Variants in ARB2A observed in about 807,000 individuals in gnomAD.
The protein encoded by ARB2A is cotranscriptional regulator ARB2A.
the ARB2A span, among the ~76,000 whole-genome samples, chr5:93,878,771 T>C: frequency 4.6e-4 from 70 of 152,214 alleles, 1 homozygote; most frequent in African/African-American, 1.6e-3. Context: ...GTATCATACA[T>C]TTACTACACA....
the ARB2A span, chr5:93,805,345 C>A: frequency 1.0e-6 from 1 of 985,136 alleles, no homozygotes; most frequent in Non-Finnish European, 1.2e-6. Context: ...TTTCACTGAA[C>A]AAGTTTTTAC....
At chr5:93,975,021 C>A in the ARB2A span, among the ~76,000 whole-genome samples, 1 of 151,908 alleles carries the variant, frequency 6.6e-6, no homozygotes, top group African/African-American at 2.4e-5. Context: ...ATCAAGAAAA[C>A]AGAAAAATCT....
At chr5:93,923,824 A>G in the ARB2A span, among the ~76,000 whole-genome samples, 5 of 152,152 alleles carry the variant, frequency 3.3e-5, no homozygotes, top group African/African-American at 1.2e-4. Flanking sequence ...CAAACATACC[A>G]AAGAAAGAAT....
the ARB2A span, among the ~76,000 whole-genome samples, chr5:93,743,928 G>T: frequency 6.6e-6 from 1 of 152,046 alleles, no homozygotes; most frequent in African/African-American, 2.4e-5. Context: ...GGCCTCCCAA[G>T]GTGTTGGGAT....
At chr5:93,694,088 A>G in the ARB2A span, among the ~76,000 whole-genome samples, 5 of 152,220 alleles carry the variant, frequency 3.3e-5, no homozygotes, top group Non-Finnish European at 7.3e-5. Context: ...TACGATACTG[A>G]ATGTGCAAAA....
the ARB2A span, among the ~76,000 whole-genome samples, chr5:94,088,622 T>C: frequency 1.3e-5 from 2 of 152,088 alleles, no homozygotes; most frequent in Admixed American, 6.6e-5. Flanking sequence ...CACTGAGCCA[T>C]GATCATGCCA....
chr5:93,983,818 T>C, the ARB2A span, among the ~76,000 whole-genome samples: 120 of 152,248 alleles, frequency 7.9e-4, no homozygotes, highest in African/African-American at 2.5e-3. Flanking sequence ...ATGCATAACC[T>C]GAATCGAATC....
chr5:93,824,180 G>A, the ARB2A span: 3 of 1,596,192 alleles, frequency 1.9e-6, no homozygotes, highest in East Asian at 2.3e-5. Context: ...CCATAGCTGT[G>A]AGCAACGAAA....
chr5:94,051,356 C>T, the ARB2A span, among the ~76,000 whole-genome samples: 5 of 152,156 alleles, frequency 3.3e-5, no homozygotes, highest in African/African-American at 4.8e-5. Flanking sequence ...AGTGAGATTT[C>T]TCAACTAGGT....
chr5:93,865,156 A>G, the ARB2A span, among the ~76,000 whole-genome samples: 1 of 151,998 alleles, frequency 6.6e-6, no homozygotes, highest in Non-Finnish European at 1.5e-5. Context: ...ATCTCGGCTC[A>G]CTGCAAGCTC....
the ARB2A span, among the ~76,000 whole-genome samples, chr5:93,962,297 A>C: frequency 1.3e-5 from 2 of 152,206 alleles, no homozygotes. Flanking sequence ...TGCATGTAAT[A>C]AACTACGTGA....
At chr5:94,069,011 G>A in the ARB2A span, among the ~76,000 whole-genome samples, 6 of 150,700 alleles carry the variant, frequency 4.0e-5, no homozygotes, top group African/African-American at 7.3e-5. Context: ...CTCCAGCCTC[G>A]GCAACAATAG....
At chr5:93,815,842 C>A in the ARB2A span, among the ~76,000 whole-genome samples, 2 of 152,176 alleles carry the variant, frequency 1.3e-5, no homozygotes, top group African/African-American at 2.4e-5. Flanking sequence ...CCAGATTGTA[C>A]TTCCTGATTC....
At chr5:93,773,588 C>T in the ARB2A span, among the ~76,000 whole-genome samples, 9 of 152,182 alleles carry the variant, frequency 5.9e-5, no homozygotes, top group Non-Finnish European at 1.0e-4. Flanking sequence ...AAGCACACCT[C>T]ATTTTATTGT....
At chr5:93,939,352 T>G in the ARB2A span, among the ~76,000 whole-genome samples, 7 of 152,164 alleles carry the variant, frequency 4.6e-5, no homozygotes, top group Non-Finnish European at 1.0e-4. Context: ...ATGTTCACAC[T>G]GCACCATAAT....
chr5:93,752,486 C>T, the ARB2A span, among the ~76,000 whole-genome samples: 2 of 152,114 alleles, frequency 1.3e-5, no homozygotes, highest in African/African-American at 4.8e-5. Flanking sequence ...AGAGTTGCCA[C>T]CTTTACTGCC....
At chr5:93,628,970 CTG>C in the ARB2A span, among the ~76,000 whole-genome samples, 1 of 152,204 alleles carries the variant, frequency 6.6e-6, no homozygotes, top group Non-Finnish European at 1.5e-5. Flanking sequence ...ACTTGGCTAA[CTG>C]TTTTGCAAGA....
the ARB2A span, among the ~76,000 whole-genome samples, chr5:93,933,985 A>ACAGAGCAG: frequency 7.2e-5 from 11 of 152,064 alleles, no homozygotes; most frequent in Admixed American, 7.2e-4. Context: ...CAGCCTGGGT[A>ACAGAGCAG]CAGAGCAAGA....
the ARB2A span, among the ~76,000 whole-genome samples, chr5:93,808,961 T>TA: frequency 6.6e-6 from 1 of 152,002 alleles, no homozygotes; most frequent in Non-Finnish European, 1.5e-5. Flanking sequence ...AAACTGTAAA[T>TA]ATCTATTAGT....
Sources: gnomAD v4.1 joint callset for allele counts (sites outside exome capture counted in the v4.1 genomes callset) on GRCh38, gnomAD v4.1.1 for gene constraint, MANE v1.5 for transcripts, NCBI Gene and HGNC (gene_info 2026-07-23, HGNC 2026-07-21) for gene names.